Variants in HBP1 observed in about 807,000 individuals in gnomAD.
The protein encoded by HBP1 is HMG box-containing protein 1.
HBP1 carries 20 observed loss-of-function variants against 62.6 expected under a neutral mutation model. That is an observed-to-expected ratio of 0.32 (90% CI 0.22 to 0.46). The LOEUF is 0.46. Among genes scored for constraint, HBP1 ranks in the 20% least tolerant of loss-of-function variants. The pLI is 1.00. For missense variants in HBP1, 480 were observed against 611.8 expected (o/e 0.78, Z 2.27); for synonymous variants, 232 against 206.2 (o/e 1.12, Z -1.07).
chr7:107,169,766 C>T (rs1245499760), intron 1 of HBP1: 1 of 982,500 alleles, frequency 1.0e-6, no homozygotes, highest in Non-Finnish European at 1.2e-6. Flanking sequence ...GGGGCTGAGC[C>T]GAGGGGAAAA....
chr7:107,174,028 T>C (rs1311210227), intron 1 of HBP1, among the ~76,000 whole-genome samples: 1 of 152,220 alleles, frequency 6.6e-6, no homozygotes, highest in Non-Finnish European at 1.5e-5. Flanking sequence ...TTTATTGTAT[T>C]GGAGACCTTG....
At chr7:107,183,600 C>A (rs552647249) in intron 3 of HBP1, among the ~76,000 whole-genome samples, 8 of 150,956 alleles carry the variant, frequency 5.3e-5, no homozygotes, top group South Asian at 2.1e-4. Context: ...GCTAAAAATT[C>A]TTTTATTTAT....
chr7:107,171,073 A>ATTTTT lies in HBP1; in HGVS notation c.-16+1899_-16+1903dup, dbSNP rs60734729. 1.5e-4 allele frequency among the ~76,000 whole-genome samples: 13 copies of ATTTTT among 87,198 alleles called. 1 individual carries two copies. Among genetic ancestry groups the ATTTTT allele is most frequent in the African/African-American group, 6.6e-4 (10 of 15,122 alleles). The allele number at this position is 87,198 out of a possible 152,430, so 57.2% of individuals were successfully genotyped here. A position where few individuals can be genotyped will look rare whatever the true frequency, so the allele number is the denominator to read the frequency against. On this transcript the variant is annotated intron_variant, in intron 1 of 10. Coordinates refer to ENST00000222574, the MANE Select transcript of HBP1 (RefSeq NM_012257.4). ...TATATATATATATATATATATATATATTTTTTTTTTTTTTTGAGAGGGAGT... is the reference window on the plus strand; with the variant it reads ...TATATATATATATATATATATATATATTTTTTTTTTTTTTTTTTTTGAGAGGGAGT...
chr7:107,169,562 C>A (rs1331000714), intron 1 of HBP1, among the ~76,000 whole-genome samples: 1 of 151,058 alleles, frequency 6.6e-6, no homozygotes, highest in Non-Finnish European at 1.5e-5. Flanking sequence ...GACTTCAACT[C>A]CCCGTTTGTG....
At chr7:107,179,404 C>A (rs1411386944) in intron 1 of HBP1, among the ~76,000 whole-genome samples, 1 of 152,014 alleles carries the variant, frequency 6.6e-6, no homozygotes, top group African/African-American at 2.4e-5. Flanking sequence ...CAGTTGTAGG[C>A]CAAGATGTTA....
At chr7:107,183,857 A>C (rs967560102) in intron 3 of HBP1, among the ~76,000 whole-genome samples, 3 of 152,156 alleles carry the variant, frequency 2.0e-5, no homozygotes, top group African/African-American at 7.2e-5. Context: ...CCTACCTCCT[A>C]ACACTGTCTG....
At chr7:107,170,030 C>CTG in intron 1 of HBP1, 1 of 985,414 alleles carries the variant, frequency 1.0e-6, no homozygotes, top group African/African-American at 1.7e-5. Context: ...ATGCTGCGTG[C>CTG]TGTCTAGGGT....
Position 107,190,161 on chromosome 7 carries a change from G to A in HBP1, c.923-12G>A. On this transcript the variant is annotated splice_polypyrimidine_tract_variant and intron_variant, in intron 7 of 10. Transcript: ENST00000222574. ...GAGTCCTCATCCTTTATGCAACATT[G>A]TTTAACTTTAGGTTGGTCATCATTT... is the stretch of plus-strand genomic sequence containing the variant. 1.3e-6 allele frequency: 2 copies of A among 1,596,780 alleles called. No homozygotes were observed. Among genetic ancestry groups the A allele is most frequent in the Non-Finnish European group, 1.7e-6 (2 of 1,171,112 alleles).
At position 107,201,464 on chromosome 7, in the gene HBP1, G is replaced by C. The variant is rs760018179; in HGVS notation, c.*33G>C. 7.1e-7 allele frequency: 1 copy of C among 1,413,268 alleles called. No homozygotes were observed. Among genetic ancestry groups the C allele is most frequent in the Non-Finnish European group, 1.0e-6 (1 of 1,000,990 alleles). 87.5% of individuals were successfully genotyped at this position (1,413,268 alleles called of 1,614,324 possible). Reference sequence around the variant, plus strand: ...TGCTTATGTTCTTAAGTCTATATTTGCATATACATTGACTCTTGATGGAAA... The same window carrying C: ...TGCTTATGTTCTTAAGTCTATATTTCCATATACATTGACTCTTGATGGAAA... On this transcript the variant is annotated 3_prime_UTR_variant, in exon 11 of 11. Transcript: ENST00000222574.
chr7:107,169,632 G>A (rs1796451323), intron 1 of HBP1: 8 of 555,338 alleles, frequency 1.4e-5, no homozygotes, highest in Non-Finnish European at 1.8e-5. Flanking sequence ...GGACCCCAGT[G>A]AGGCGCCGCC....
Position 107,201,621 on chromosome 7 carries a change from A to G in HBP1, c.*190A>G, listed in dbSNP as rs1305228082. 1 of 438,778 alleles carries G rather than the reference A, an allele frequency of 2.3e-6. No homozygotes were observed. The highest frequency in any genetic ancestry group is 2.0e-5 in the African/African-American group (1 of 49,254). The allele number at this position is 438,778 out of a possible 1,614,324, so 27.2% of individuals were successfully genotyped here. A position where few individuals can be genotyped will look rare whatever the true frequency, so the allele number is the denominator to read the frequency against. ...TTTCTCCATTAGAGCATTAAGCTAA[A>G]ACTATCAACATTTTAAACCAAATTG... On this transcript the variant is annotated 3_prime_UTR_variant, in exon 11 of 11. Transcript: ENST00000222574.
rs766759148 is a variant in HBP1 at position 107,200,319 on chromosome 7, G to A, written c.1527+18G>A. The A allele has an allele frequency of 1.4e-5, 23 of 1,604,102 alleles. No individual in the cohort carries two copies. The Admixed American group carries it at 3.9e-4, about 27-fold the overall frequency. On this transcript the variant is annotated intron_variant, in intron 10 of 10. Transcript: ENST00000222574. ...CCAATTCAGTATGTTTCAATAAATA[G>A]TGTTTAAAATTATCTTGCCTTATCC...
At chr7:107,182,688 A>C in intron 3 of HBP1, 87 bp downstream of exon 3, 1 of 655,136 alleles carries the variant, frequency 1.5e-6, no homozygotes, top group Non-Finnish European at 2.6e-6. Context: ...AAAAGTAGTA[A>C]TACTTTAAAT....
Position 107,201,709 on chromosome 7 carries a change from T to C in HBP1, c.*278T>C, listed in dbSNP as rs1366158552. ...GTAATAATAGGCTTGAAAATTGATA[T>C]CCTGTGGTGCTAAAGTACAGTAGAA... On this transcript the variant is annotated 3_prime_UTR_variant, in exon 11 of 11. Transcript: ENST00000222574. 5.6e-5 allele frequency: 20 copies of C among 355,818 alleles called. 1 individual carries two copies. The highest frequency in any genetic ancestry group is 9.2e-5 in the Non-Finnish European group (18 of 196,490). The allele number at this position is 355,818 out of a possible 1,614,324, so 22.0% of individuals were successfully genotyped here. A position where few individuals can be genotyped will look rare whatever the true frequency, so the allele number is the denominator to read the frequency against.
rs1404678253 is a variant in HBP1 at position 107,201,555 on chromosome 7, T to G, written c.*124T>G. On this transcript the variant is annotated 3_prime_UTR_variant, in exon 11 of 11. Transcript: ENST00000222574. ...GTGTGACCATAAGATACTGATAGCA[T>G]TGAGTCTTGAAATGATTTAATAATA... The G allele has an allele frequency of 1.9e-6, 1 of 538,306 alleles. No individual in the cohort carries two copies. The highest frequency in any genetic ancestry group is 3.4e-6 in the Non-Finnish European group (1 of 291,708). The allele number at this position is 538,306 out of a possible 1,614,324, so 33.3% of individuals were successfully genotyped here.
chr7:107,171,357 A>C (rs1391804603), intron 1 of HBP1, among the ~76,000 whole-genome samples: 2 of 151,732 alleles, frequency 1.3e-5, no homozygotes, highest in African/African-American at 4.8e-5. Flanking sequence ...GGTGTGAGCC[A>C]CCGTGCCCGG....
chr7:107,169,740 C>T (rs1796460518), intron 1 of HBP1: 1 of 985,238 alleles, frequency 1.0e-6, no homozygotes, highest in Non-Finnish European at 1.2e-6. Flanking sequence ...AATGGGCTCC[C>T]AGGCGCCTGC....
chr7:107,171,073 A>ATATATATTTT lies in HBP1; in HGVS notation c.-16+1889_-16+1890insATATATTTTT. On this transcript the variant is annotated intron_variant, in intron 1 of 10. Coordinates refer to ENST00000222574, the MANE Select transcript of HBP1 (RefSeq NM_012257.4). ...TATATATATATATATATATATATAT[A>ATATATATTTT]TTTTTTTTTTTTTTTGAGAGGGAGT... 5.0e-4 allele frequency among the ~76,000 whole-genome samples: 44 copies of ATATATATTTT among 87,200 alleles called. 5 individuals are homozygous for ATATATATTTT. Among genetic ancestry groups the ATATATATTTT allele is most frequent in the African/African-American group, 2.9e-3 (44 of 15,124 alleles). The allele number at this position is 87,200 out of a possible 152,430, so 57.2% of individuals were successfully genotyped here.
intron 1 of HBP1, chr7:107,169,810 G>C: frequency 1.0e-6 from 1 of 985,396 alleles, no homozygotes; most frequent in Non-Finnish European, 1.2e-6. Flanking sequence ...GTCACATGAT[G>C]GGGGGAAGGG....
Sources: gnomAD v4.1 joint callset for allele counts (sites outside exome capture counted in the v4.1 genomes callset) on GRCh38, gnomAD v4.1.1 for gene constraint, MANE v1.5 for transcripts, NCBI Gene and HGNC (gene_info 2026-07-23, HGNC 2026-07-21) for gene names.